The following DLG2 variants were observed in gnomAD, a reference collection of about 807,000 sequenced individuals.
The protein encoded by DLG2 is disks large homolog 2.
In DLG2, 45 loss-of-function variants were observed where a neutral mutation model predicts 132.5. The observed-to-expected ratio is 0.34, with a 90% CI of 0.27 to 0.44. DLG2 has a LOEUF of 0.44. Among genes scored for constraint, DLG2 ranks in the 20% least tolerant of loss-of-function variants. The probability of loss-of-function intolerance (pLI) is 1.00; values close to 1 mark genes in which losing one functional copy is unlikely to be tolerated. For synonymous variants in DLG2, 424 were observed against 419.6 expected, an observed-to-expected ratio of 1.01 and a Z score of -0.13; for missense variants, 1,045 against 1,196.9, an observed-to-expected ratio of 0.87 and a Z score of 1.87.
intron 4 of DLG2, among the ~76,000 whole-genome samples, chr11:85,261,203 C>T (rs924929536): frequency 1.3e-5 from 2 of 152,088 alleles, no homozygotes; most frequent in Admixed American, 6.6e-5. Flanking sequence ...TAGGGTCATG[C>T]TGGAGGGGCT....
chr11:85,399,659 T>C (rs923675275), intron 3 of DLG2, among the ~76,000 whole-genome samples: 3 of 152,178 alleles, frequency 2.0e-5, no homozygotes, highest in African/African-American at 7.2e-5. Context: ...TTGACAAACC[T>C]GAGAAAAACA....
At chr11:84,223,707 T>C (rs2096949423) in intron 8 of DLG2, among the ~76,000 whole-genome samples, 1 of 151,950 alleles carries the variant, frequency 6.6e-6, no homozygotes, top group South Asian at 2.1e-4. Context: ...CAGGCGCATG[T>C]CACCATGCCC....
At chr11:84,355,244 G>A (rs1307855126) in intron 7 of DLG2, among the ~76,000 whole-genome samples, 2 of 152,076 alleles carry the variant, frequency 1.3e-5, no homozygotes, top group Non-Finnish European at 2.9e-5. Context: ...ATCACAGGAA[G>A]GGAGGAAAGA....
chr11:84,450,858 G>T (rs1040250626), intron 7 of DLG2, among the ~76,000 whole-genome samples: 1 of 150,930 alleles, frequency 6.6e-6, no homozygotes, highest in Admixed American at 6.6e-5. Context: ...CTAACAACAT[G>T]CCTGGTGCAT....
intron 20 of DLG2, among the ~76,000 whole-genome samples, chr11:83,538,787 A>T (rs2095970963): frequency 6.6e-6 from 1 of 152,202 alleles, no homozygotes; most frequent in African/African-American, 2.4e-5. Flanking sequence ...CCCTAATCGC[A>T]GAGTAGCTGT....
chr11:83,461,262 C>T (rs1591211654), intron 27 of DLG2, among the ~76,000 whole-genome samples: 1 of 152,160 alleles, frequency 6.6e-6, no homozygotes, highest in East Asian at 1.9e-4. Flanking sequence ...CCACCCACCT[C>T]AGCCTCCCAA....
At chr11:85,394,981 C>A (rs115396400) in intron 3 of DLG2, among the ~76,000 whole-genome samples, 176 of 152,142 alleles carry the variant, frequency 1.2e-3, no homozygotes, top group African/African-American at 4.1e-3. Context: ...ATATATAAGC[C>A]CTGGGCCTAA....
intron 6 of DLG2, among the ~76,000 whole-genome samples, chr11:84,665,922 A>C: frequency 6.6e-6 from 1 of 152,162 alleles, no homozygotes; most frequent in Admixed American, 6.6e-5. Context: ...CTTAGTCTAC[A>C]GTTTTATTTT....
In DLG2 at chr11:84,098,932, C is replaced by G; in HGVS notation, c.740G>C (p.Gly247Ala). ...IIPGGAAAEDGRLRVNDCILR... is the reference protein window; with the variant it reads ...IIPGGAAAEDARLRVNDCILR... ...TGTTTCAGATCTTTACCTGAGTCTGCCATCCTCTGCTGCAGCACCTCCTGG... is the reference window on the plus strand; with the variant it reads ...TGTTTCAGATCTTTACCTGAGTCTGGCATCCTCTGCTGCAGCACCTCCTGG... Residue 247 changes from glycine (G) to alanine (A), a missense_variant, in exon 10 of 28, where the codon GGC (glycine) becomes GCC (alanine). Gly to Ala is a moderately conservative substitution (Grantham distance 60). Around this residue, in one of 4 missense-constraint regions of DLG2, gnomAD observed 109 missense variants for 159.1 expected, o/e 0.69. Coordinates refer to ENST00000376104, the MANE Select transcript of DLG2 (RefSeq NM_001142699.3). 6.2e-7 allele frequency: 1 copy of G among 1,612,786 alleles called. No individual in the cohort carries two copies. Among genetic ancestry groups the G allele is most frequent in the South Asian group, 1.1e-5 (1 of 90,924 alleles).
At chr11:83,620,379 GAA>G (rs1418730682) in intron 19 of DLG2, among the ~76,000 whole-genome samples, 2 of 152,150 alleles carry the variant, frequency 1.3e-5, no homozygotes, top group East Asian at 3.9e-4. Context: ...AATGTAGAAA[GAA>G]TGACAACTTT....
chr11:84,052,332 T>C (rs2096404040), intron 11 of DLG2, among the ~76,000 whole-genome samples: 1 of 151,818 alleles, frequency 6.6e-6, no homozygotes, highest in African/African-American at 2.4e-5. Flanking sequence ...CAAATATATA[T>C]TGGTTCTATC....
chr11:85,422,836 C>G (rs552552626), intron 3 of DLG2, among the ~76,000 whole-genome samples: 2 of 152,128 alleles, frequency 1.3e-5, no homozygotes, highest in East Asian at 3.9e-4. Flanking sequence ...ATATTTCTCC[C>G]TTCACTTCTT....
chr11:84,919,324 A>G (rs2092647364), intron 6 of DLG2, among the ~76,000 whole-genome samples: 1 of 152,202 alleles, frequency 6.6e-6, no homozygotes, highest in Non-Finnish European at 1.5e-5. Context: ...TTCTTAAGCT[A>G]TGCAATAAAT....
chr11:83,656,599 T>G (rs952686066), intron 18 of DLG2, among the ~76,000 whole-genome samples: 3 of 152,124 alleles, frequency 2.0e-5, no homozygotes, highest in African/African-American at 7.2e-5. Context: ...ACGGTGGAAA[T>G]GTATTTATTC....
chr11:84,382,662 A>G lies in DLG2; in HGVS notation c.520-131371T>C, dbSNP rs74782685. On this transcript the variant is annotated intron_variant, in intron 7 of 27. Coordinates refer to ENST00000376104, the MANE Select transcript of DLG2 (RefSeq NM_001142699.3). ...TCCTTAAATACCAATTTGGCTTTCT[A>G]TAAGGAATTTAGCACATTTACAGAA... is the stretch of plus-strand genomic sequence containing the variant. Among the ~76,000 whole-genome samples the G allele has an allele frequency of 3.1e-3, 470 of 152,242 alleles. 15 individuals are homozygous for G. The East Asian group carries it at 0.071, about 23-fold the overall frequency.
At chr11:83,848,142 T>A (rs1351485006) in intron 16 of DLG2, among the ~76,000 whole-genome samples, 2 of 138,204 alleles carry the variant, frequency 1.4e-5, no homozygotes, top group Admixed American at 7.2e-5. Context: ...TTTTTTTTTT[T>A]AATCACGGCA....
chr11:84,065,789 A>C (rs1163453366), intron 10 of DLG2, among the ~76,000 whole-genome samples: 1 of 152,214 alleles, frequency 6.6e-6, no homozygotes, highest in African/African-American at 2.4e-5. Context: ...AGCACCATTC[A>C]CAATAGCAAA....
chr11:84,391,402 A>T (rs1601290638), intron 7 of DLG2, among the ~76,000 whole-genome samples: 1 of 152,334 alleles, frequency 6.6e-6, no homozygotes, highest in Non-Finnish European at 1.5e-5. Context: ...AGGTTGGATG[A>T]GGTAGACCAT....
intron 6 of DLG2, among the ~76,000 whole-genome samples, chr11:85,012,448 T>C (rs1332931371): frequency 2.6e-5 from 4 of 151,694 alleles, no homozygotes; most frequent in Admixed American, 6.6e-5. Flanking sequence ...CGCTTGAACC[T>C]GGGAGGTAGA....
Sources: allele counts gnomAD v4.1 joint callset (sites outside exome capture counted in the v4.1 genomes callset), GRCh38; gene constraint gnomAD v4.1.1; regional missense constraint gnomAD v4.1.1; transcripts MANE v1.5; gene names NCBI Gene and HGNC (gene_info 2026-07-23, HGNC 2026-07-21).